The following WWOX variants were observed in gnomAD, a reference collection of about 807,000 sequenced individuals.
WWOX encodes the protein WW domain containing oxidoreductase, also known as WW domain-containing oxidoreductase.
WWOX carries 69 observed loss-of-function variants against 46.2 expected under a neutral mutation model. The ratio of observed to expected loss-of-function variants is 1.49; its 90% CI spans 1.23 to 1.82. The LOEUF is 1.82. WWOX is among the 40% of genes most tolerant of loss of function. WWOX has a pLI of 0.00. For missense variants in WWOX, 919 were observed against 542.6 expected (o/e 1.69, Z -6.89); for synonymous variants, 359 against 202.6 (o/e 1.77, Z -6.56).
intron 8 of WWOX, among the ~76,000 whole-genome samples, chr16:78,733,163 G>T (rs1326161398): frequency 6.6e-6 from 1 of 152,166 alleles, no homozygotes; most frequent in Non-Finnish European, 1.5e-5. Context: ...TTTATGCACA[G>T]CTATTTATAA....
At chr16:78,798,572 C>G (rs544059053) in intron 8 of WWOX, among the ~76,000 whole-genome samples, 17 of 145,700 alleles carry the variant, frequency 1.2e-4, no homozygotes, top group African/African-American at 1.8e-4. Flanking sequence ...CTCCCTCCCC[C>G]CAAGGTAGTT....
chr16:78,144,500 C>CACAT (rs1555543104), intron 4 of WWOX, among the ~76,000 whole-genome samples: 1 of 21,880 alleles, frequency 4.6e-5, no homozygotes, highest in Non-Finnish European at 8.3e-5. Context: ...CACACACACA[C>CACAT]ATATATATAT....
intron 5 of WWOX, among the ~76,000 whole-genome samples, chr16:78,283,857 A>G (rs746052744): frequency 1.3e-5 from 2 of 152,230 alleles, no homozygotes; most frequent in African/African-American, 4.8e-5. Context: ...ATTGTAATTG[A>G]CATATAGTTG....
intron 8 of WWOX, among the ~76,000 whole-genome samples, chr16:78,877,016 T>A (rs1350738320): frequency 6.6e-6 from 1 of 152,186 alleles, no homozygotes; most frequent in East Asian, 1.9e-4. Context: ...TTTCTGCTGG[T>A]TCGAAGAGGT....
chr16:78,627,516 A>C (rs907870423), intron 8 of WWOX, among the ~76,000 whole-genome samples: 4 of 152,232 alleles, frequency 2.6e-5, no homozygotes, highest in African/African-American at 9.6e-5. Flanking sequence ...CAGGATGCCA[A>C]CAAGAAGTCA....
chr16:79,201,738 C>A (rs1184734478), intron 8 of WWOX, among the ~76,000 whole-genome samples: 1 of 141,100 alleles, frequency 7.1e-6, no homozygotes, highest in East Asian at 2.0e-4. Flanking sequence ...TGTTTTTTTT[C>A]ACTTTTGTCT....
intron 5 of WWOX, among the ~76,000 whole-genome samples, chr16:78,169,304 G>A (rs1160781955): frequency 1.3e-5 from 2 of 152,130 alleles, no homozygotes; most frequent in Non-Finnish European, 2.9e-5. Flanking sequence ...TATGTGTTAG[G>A]AATCCATGTG....
intron 8 of WWOX, among the ~76,000 whole-genome samples, chr16:78,512,269 C>T (rs1262596900): frequency 6.6e-6 from 1 of 152,090 alleles, no homozygotes; most frequent in Non-Finnish European, 1.5e-5. Flanking sequence ...TGTAAATTTG[C>T]ATTTATGGAT....
intron 8 of WWOX, among the ~76,000 whole-genome samples, chr16:78,452,878 T>TATATATATATATATACATACATAC (rs752791786): frequency 5.6e-5 from 8 of 143,020 alleles, no homozygotes; most frequent in African/African-American, 2.4e-4. Flanking sequence ...TATATATATA[T>TATATATATATATATACATACATAC]ATACATATTT....
intron 8 of WWOX, among the ~76,000 whole-genome samples, chr16:78,480,202 C>T (rs1416174607): frequency 6.6e-6 from 1 of 152,184 alleles, no homozygotes; most frequent in Non-Finnish European, 1.5e-5. Context: ...CATTTCAAAT[C>T]TTCAGTAGCC....
chr16:78,771,395 G>C (rs933105271), intron 8 of WWOX, among the ~76,000 whole-genome samples: 2 of 152,192 alleles, frequency 1.3e-5, no homozygotes, highest in African/African-American at 4.8e-5. Context: ...ACTGTTTGAG[G>C]TGATGAAAGA....
intron 8 of WWOX, among the ~76,000 whole-genome samples, chr16:78,989,273 G>T (rs1392337186): frequency 2.0e-5 from 3 of 152,072 alleles, no homozygotes; most frequent in Non-Finnish European, 4.4e-5. Flanking sequence ...TCAATTAGAA[G>T]GCCTTCTTTT....
intron 8 of WWOX, among the ~76,000 whole-genome samples, chr16:78,941,975 G>A (rs891654032): frequency 4.6e-5 from 7 of 152,126 alleles, no homozygotes; most frequent in Non-Finnish European, 1.0e-4. Flanking sequence ...GTAGATGAAT[G>A]TGGGTCATTG....
chr16:79,061,865 C>T (rs1023096778), intron 8 of WWOX, among the ~76,000 whole-genome samples: 1 of 152,132 alleles, frequency 6.6e-6, no homozygotes, highest in African/African-American at 2.4e-5. Context: ...GGCAGCCTTA[C>T]TTGGTAGACA....
At chr16:78,406,350 ATATATT>A (rs1178799189) in intron 6 of WWOX, among the ~76,000 whole-genome samples, 51 of 72,602 alleles carry the variant, frequency 7.0e-4, no homozygotes, top group African/African-American at 3.5e-3. Flanking sequence ...ATATATATAT[ATATATT>A]TTATTATTTT....
In WWOX at chr16:78,391,868, A is replaced by T. The variant is rs146313626; in HGVS notation, c.605+4920A>T. Among the ~76,000 whole-genome samples, 21 of 152,256 alleles carry T rather than the reference A, an allele frequency of 1.4e-4. No homozygotes were observed. The East Asian group carries it at 3.5e-3, about 25-fold the overall frequency. ...TACTCCAAAATTTAGTGGCTAAAAA[A>T]CAACGTAAAACAAGAAACATTTCTT... On this transcript the variant is annotated intron_variant, in intron 6 of 8. Transcript: ENST00000566780.
chr16:78,957,025 T>G (rs2046181286), intron 8 of WWOX, among the ~76,000 whole-genome samples: 1 of 152,232 alleles, frequency 6.6e-6, no homozygotes, highest in Admixed American at 6.5e-5. Flanking sequence ...GTTATTCACA[T>G]GCTTTATTTA....
intron 8 of WWOX, chr16:79,101,598 A>G (rs2049194844): frequency 6.6e-6 from 1 of 152,146 alleles, no homozygotes; most frequent in Non-Finnish European, 1.5e-5. Flanking sequence ...TTTTCATTCA[A>G]GCCAATGCAG....
At chr16:79,144,317 A>T (rs1251614722) in intron 8 of WWOX, among the ~76,000 whole-genome samples, 3 of 152,224 alleles carry the variant, frequency 2.0e-5, no homozygotes, top group African/African-American at 4.8e-5. Context: ...TTCAACTGAT[A>T]GATGGGAGAA....
Sources: allele counts gnomAD v4.1 joint callset (sites outside exome capture counted in the v4.1 genomes callset), GRCh38; gene constraint gnomAD v4.1.1; transcripts MANE v1.5; gene names NCBI Gene and HGNC (gene_info 2026-07-23, HGNC 2026-07-21).